The following PSPC1 variants were observed in gnomAD, a reference collection of about 807,000 sequenced individuals.
The protein encoded by PSPC1 is paraspeckle protein 1.
A neutral mutation model predicts 51.6 loss-of-function variants in PSPC1; 14 were observed. That is an observed-to-expected ratio of 0.27 (90% CI 0.18 to 0.42). PSPC1 has a LOEUF of 0.42. PSPC1 is among the 10% of genes least tolerant of loss of function. The pLI is 1.00. For synonymous variants in PSPC1, 193 were observed against 231.9 expected, an observed-to-expected ratio of 0.83 and a Z score of 1.53; for missense variants, 406 against 701.1, an observed-to-expected ratio of 0.58 and a Z score of 4.75.
intron 6 of PSPC1, among the ~76,000 whole-genome samples, chr13:19,716,235 C>T (rs571075353): frequency 2.6e-5 from 4 of 152,176 alleles, no homozygotes; most frequent in East Asian, 3.9e-4. Flanking sequence ...ATACTCAACA[C>T]GTATATTTTG....
At chr13:19,771,358 G>T (rs1253589937) in intron 2 of PSPC1, among the ~76,000 whole-genome samples, 2 of 152,124 alleles carry the variant, frequency 1.3e-5, no homozygotes, top group African/African-American at 2.4e-5. Flanking sequence ...GGCTGGTCTC[G>T]AACTCCTGAG....
intron 6 of PSPC1, among the ~76,000 whole-genome samples, chr13:19,713,681 C>T (rs754109780): frequency 4.6e-5 from 7 of 151,888 alleles, no homozygotes; most frequent in Non-Finnish European, 1.0e-4. Flanking sequence ...CTGAAAGCTT[C>T]GAATTCAAGT....
At chr13:19,747,170 G>A (rs886976128) in intron 4 of PSPC1, among the ~76,000 whole-genome samples, 8 of 152,118 alleles carry the variant, frequency 5.3e-5, no homozygotes, top group African/African-American at 1.9e-4. Context: ...TATATTCTTT[G>A]CAGCACTGCT....
At chr13:19,699,040 CAAAT>C (rs562804280), downstream of PSPC1, among the ~76,000 whole-genome samples, 6 of 151,720 alleles carry the variant, frequency 4.0e-5, no homozygotes, top group South Asian at 4.1e-4. Flanking sequence ...AAAAAAAGGT[CAAAT>C]AAAATCAGAA....
intron 7 of PSPC1, among the ~76,000 whole-genome samples, chr13:19,677,230 C>T (rs1471701673): frequency 8.4e-5 from 5 of 59,224 alleles, no homozygotes; most frequent in African/African-American, 2.2e-4. Context: ...AAGACTCCGT[C>T]TCAAAAAAAA....
intron 2 of PSPC1, among the ~76,000 whole-genome samples, chr13:19,770,681 G>T (rs917239286): frequency 1.6e-4 from 25 of 151,894 alleles, no homozygotes; most frequent in Admixed American, 1.3e-4. Context: ...CCAACTACTC[G>T]GGAGGCTGAG....
At chr13:19,746,948 A>G (rs1418482304) in intron 4 of PSPC1, among the ~76,000 whole-genome samples, 1 of 152,052 alleles carries the variant, frequency 6.6e-6, no homozygotes, top group Non-Finnish European at 1.5e-5. Flanking sequence ...CATCTCTACT[A>G]AAATACAAAA....
Position 19,685,802 on chromosome 13 carries a change from C to G in PSPC1, c.1159-7979G>C, listed in dbSNP as rs549041250. On this transcript the variant is annotated intron_variant and NMD_transcript_variant, in intron 6 of 7. Coordinates refer to the PSPC1 transcript ENST00000471658. ...CCCTAACAAAAAAAACTTACAATGACCTCAAGGTTAAAAATCAGACTTGAG... is the reference window on the plus strand; with the variant it reads ...CCCTAACAAAAAAAACTTACAATGAGCTCAAGGTTAAAAATCAGACTTGAG... Among the ~76,000 whole-genome samples the G allele has an allele frequency of 4.6e-5, 7 of 152,292 alleles. No individual in the cohort carries two copies. In the South Asian group the frequency reaches 1.2e-3, roughly 27 times the overall value.
chr13:19,756,611 C>T (rs562231937), intron 3 of PSPC1, among the ~76,000 whole-genome samples: 2 of 152,028 alleles, frequency 1.3e-5, no homozygotes, highest in South Asian at 2.1e-4. Flanking sequence ...GCAATTCTCC[C>T]GCCTCAGCCT....
intron 1 of PSPC1, among the ~76,000 whole-genome samples, chr13:19,776,047 T>C (rs1401219937): frequency 6.6e-6 from 1 of 150,906 alleles, no homozygotes; most frequent in Non-Finnish European, 1.5e-5. Context: ...CAAGACTCCA[T>C]CTCAAAAAAA....
chr13:19,716,964 C>T (rs551009923), intron 6 of PSPC1, among the ~76,000 whole-genome samples: 55 of 152,040 alleles, frequency 3.6e-4, no homozygotes, highest in African/African-American at 1.3e-3. Flanking sequence ...CTGAGGCAGG[C>T]AGATCACCTG....
intron 6 of PSPC1, among the ~76,000 whole-genome samples, chr13:19,690,586 C>T (rs1032941159): frequency 1.3e-5 from 2 of 152,184 alleles, no homozygotes; most frequent in Non-Finnish European, 2.9e-5. Context: ...CTTACTTCCA[C>T]GTCCTCTGGT....
intron 6 of PSPC1, among the ~76,000 whole-genome samples, chr13:19,710,176 T>C (rs1025696879): frequency 6.6e-6 from 1 of 152,176 alleles, no homozygotes; most frequent in Non-Finnish European, 1.5e-5. Flanking sequence ...ACACAAGCAA[T>C]TACTGAAAGC....
intron 6 of PSPC1, among the ~76,000 whole-genome samples, chr13:19,694,083 A>T (rs549712857): frequency 8.8e-5 from 11 of 125,328 alleles, no homozygotes; most frequent in African/African-American, 3.3e-4. Flanking sequence ...AGATCGCACC[A>T]CTGCACTCCA....
chr13:19,707,281 C>T (rs1219092590), intron 7 of PSPC1, among the ~76,000 whole-genome samples: 1 of 152,112 alleles, frequency 6.6e-6, no homozygotes, highest in Non-Finnish European at 1.5e-5. Context: ...TTCCAACTAA[C>T]AGCAGTTAAC....
chr13:19,768,221 T>TC lies in PSPC1; in HGVS notation c.674+4020dup, dbSNP rs1209246648. 1.9e-3 allele frequency among the ~76,000 whole-genome samples: 279 copies of TC among 146,736 alleles called. 1 individual carries two copies. The highest frequency in any genetic ancestry group is 6.6e-3 in the African/African-American group (260 of 39,646). On this transcript the variant is annotated intron_variant, in intron 2 of 8. Coordinates refer to ENST00000338910, the MANE Select transcript of PSPC1 (RefSeq NM_001354909.2). ...GCCTGAGTGACAGAGCAAGACCGTG[T>TC]CCCCCCCCAAAAAAATAAATAAATA...
chr13:19,779,072 G>A (rs1889561064), intron 1 of PSPC1, among the ~76,000 whole-genome samples: 1 of 119,844 alleles, frequency 8.3e-6, no homozygotes, highest in East Asian at 2.8e-4. Flanking sequence ...GACCCCGTCT[G>A]GGAGGTGAGG....
At chr13:19,732,475 A>G (rs1355593708) in intron 5 of PSPC1, among the ~76,000 whole-genome samples, 1 of 152,210 alleles carries the variant, frequency 6.6e-6, no homozygotes, top group East Asian at 1.9e-4. Context: ...GCTCAGTGGG[A>G]TCTGGGGCAG....
chr13:19,718,834 T>C (rs1882428174), intron 6 of PSPC1, among the ~76,000 whole-genome samples: 1 of 152,208 alleles, frequency 6.6e-6, no homozygotes, highest in Admixed American at 6.5e-5. Flanking sequence ...ATAGAGGAAA[T>C]TTAAATGCAC....
Sources: gnomAD v4.1 joint callset for allele counts (sites outside exome capture counted in the v4.1 genomes callset) on GRCh38, gnomAD v4.1.1 for gene constraint, MANE v1.5 for transcripts, NCBI Gene and HGNC (gene_info 2026-07-23, HGNC 2026-07-21) for gene names.